MACO1: variants seen among roughly 807,000 people sequenced by gnomAD.
MACO1 encodes the protein macoilin 1, also known as macoilin.
Under a neutral mutation model 78.7 loss-of-function variants are expected in MACO1, and 14 were observed. The ratio of observed to expected loss-of-function variants is 0.18; its 90% CI spans 0.12 to 0.28. The LOEUF is 0.28. Ranked by LOEUF, MACO1 falls within the 10% of genes least tolerant of loss-of-function variation. The pLI is 1.00. For synonymous variants in MACO1, 288 were observed against 291.6 expected (o/e 0.99, Z 0.12); for missense variants, 501 against 799.0 (o/e 0.63, Z 4.50).
At chr1:25,451,092 G>A (rs975977170) in intron 3 of MACO1, among the ~76,000 whole-genome samples, 2 of 144,836 alleles carry the variant, frequency 1.4e-5, no homozygotes, top group South Asian at 2.1e-4. Context: ...TTAGCCCTAG[G>A]CTCAGAAATG....
At chr1:25,459,486 A>AG (rs2043152583) in intron 6 of MACO1, among the ~76,000 whole-genome samples, 2 of 77,246 alleles carry the variant, frequency 2.6e-5, no homozygotes, top group Admixed American at 1.3e-4. Context: ...TAATTAAAAG[A>AG]ATTTTTTTTT....
rs34955081 is a variant in MACO1 at position 25,488,420 on chromosome 1, A to G, written c.1497-753A>G. ...CTGAGCAGACTGAGCCAAAAGCTAA[A>G]ACCTGACAGACCCTGGAGTATAAAA... On this transcript the variant is annotated intron_variant, in intron 8 of 10. Transcript: ENST00000374343. Among the ~76,000 whole-genome samples, 1,075 of 152,330 alleles carry G rather than the reference A, an allele frequency of 7.1e-3. 6 individuals carry two copies. Among genetic ancestry groups the G allele is most frequent in the Non-Finnish European group, 0.011 (757 of 68,022 alleles).
At chr1:25,451,661 C>G (rs1192744514) in intron 3 of MACO1, among the ~76,000 whole-genome samples, 1 of 152,136 alleles carries the variant, frequency 6.6e-6, no homozygotes, top group East Asian at 1.9e-4. Flanking sequence ...AATCCCAGCA[C>G]TTTGGGAGGC....
chr1:25,459,035 C>A, intron 6 of MACO1, 143 bp downstream of exon 6: 1 of 1,049,954 alleles, frequency 9.5e-7, no homozygotes, highest in Non-Finnish European at 1.4e-6. Flanking sequence ...AGTTTGTTGG[C>A]CACCTTGTGT....
At chr1:25,464,976 T>A (rs2043205670) in intron 6 of MACO1, among the ~76,000 whole-genome samples, 1 of 34,598 alleles carries the variant, frequency 2.9e-5, no homozygotes, top group African/African-American at 1.4e-4. Flanking sequence ...GCCCAGGCAA[T>A]TTTTTTTTTT....
intron 3 of MACO1, among the ~76,000 whole-genome samples, chr1:25,453,728 A>G (rs959405079): frequency 2.0e-5 from 3 of 152,022 alleles, no homozygotes; most frequent in Admixed American, 1.3e-4. Flanking sequence ...TTTAAATTTA[A>G]ATATACTGCC....
chr1:25,483,894 G>A (rs2043403141), intron 6 of MACO1, among the ~76,000 whole-genome samples: 1 of 152,246 alleles, frequency 6.6e-6, no homozygotes, highest in East Asian at 1.9e-4. Context: ...CATAAACAGG[G>A]GGAAGTTGAA....
chr1:25,475,480 G>A (rs1321461770), intron 6 of MACO1, among the ~76,000 whole-genome samples: 1 of 151,822 alleles, frequency 6.6e-6, no homozygotes, highest in Non-Finnish European at 1.5e-5. Context: ...GAGAGGCCGA[G>A]GTGGGAGGAT....
chr1:25,459,878 C>T lies in MACO1; in HGVS notation c.1154+986C>T, dbSNP rs556610936. Reference sequence around the variant, plus strand: ...GCAAACACAAATATGTTCCTTTCACCTCAGATCTTTAATTTGGAAACTGAG... The same window carrying T: ...GCAAACACAAATATGTTCCTTTCACTTCAGATCTTTAATTTGGAAACTGAG... On this transcript the variant is annotated intron_variant, in intron 6 of 10. Coordinates refer to ENST00000374343, the MANE Select transcript of MACO1 (RefSeq NM_018202.6). Among the ~76,000 whole-genome samples the T allele has an allele frequency of 7.2e-5, 11 of 152,128 alleles. No homozygotes were observed. The South Asian group carries it at 2.3e-3, about 32-fold the overall frequency.
chr1:25,447,687 AGT>A (rs1236366360), intron 2 of MACO1, among the ~76,000 whole-genome samples: 2 of 152,164 alleles, frequency 1.3e-5, no homozygotes, highest in African/African-American at 4.8e-5. Context: ...TGCATGAGTG[AGT>A]GTAAAAAAGG....
Position 25,493,352 on chromosome 1 carries a change from C to T in MACO1, c.1792+1768C>T, listed in dbSNP as rs548152761. ...CTTCTGGGTTCAAGTGATCCTCCCA[C>T]CTCAGCCTCTCCCTAGTAGCTATGA... On this transcript the variant is annotated intron_variant, in intron 10 of 10. Transcript: ENST00000374343. Among the ~76,000 whole-genome samples, 207 of 152,150 alleles carry T rather than the reference C, an allele frequency of 1.4e-3. 1 individual carries two copies. The Middle Eastern group carries it at 0.017, about 13-fold the overall frequency.
At chr1:25,459,553 C>T (rs1455149705) in intron 6 of MACO1, among the ~76,000 whole-genome samples, 1 of 150,868 alleles carries the variant, frequency 6.6e-6, no homozygotes. Flanking sequence ...CGGCTCACTG[C>T]AACCTCCGCC....
intron 3 of MACO1, among the ~76,000 whole-genome samples, chr1:25,449,787 G>A (rs1410865648): frequency 1.3e-5 from 2 of 152,230 alleles, no homozygotes; most frequent in African/African-American, 4.8e-5. Flanking sequence ...GGGAGGCTGA[G>A]GCAGGCAGAT....
intron 1 of MACO1, among the ~76,000 whole-genome samples, chr1:25,445,588 ATTTTAC>A (rs1025269008): frequency 6.1e-5 from 9 of 146,640 alleles, no homozygotes; most frequent in Non-Finnish European, 1.1e-4. Flanking sequence ...TCTTTTTATT[ATTTTAC>A]TTTAAGTTCT....
rs74410456 is a variant in MACO1 at position 25,437,907 on chromosome 1, C to T, written c.80+6729C>T. Among the ~76,000 whole-genome samples the T allele has an allele frequency of 9.9e-5, 15 of 152,020 alleles. No homozygotes were observed. In the South Asian group the frequency reaches 3.1e-3, roughly 32 times the overall value. On this transcript the variant is annotated intron_variant, in intron 1 of 10. Coordinates refer to ENST00000374343, the MANE Select transcript of MACO1 (RefSeq NM_018202.6). ...CTACACTCCAGCCTGGGCAATAGAGCAAGACCCTGTGTCAAAAAAAGAGAA... is the reference window on the plus strand; with the variant it reads ...CTACACTCCAGCCTGGGCAATAGAGTAAGACCCTGTGTCAAAAAAAGAGAA...
chr1:25,454,065 C>G (rs187586640), intron 3 of MACO1, among the ~76,000 whole-genome samples, 194 bp from the exon 4 acceptor site: 27 of 152,198 alleles, frequency 1.8e-4, no homozygotes, highest in African/African-American at 6.3e-4. Flanking sequence ...GGATGTTTGT[C>G]TTTTATTTTT....
At chr1:25,487,176 C>T (rs140531067) in intron 8 of MACO1, among the ~76,000 whole-genome samples, 2,326 of 152,086 alleles carry the variant, frequency 0.015, 58 homozygotes, top group African/African-American at 0.053. Flanking sequence ...CTTTTTGAGA[C>T]GGAGTCTAAC....
Position 25,462,320 on chromosome 1 carries a change from C to T in MACO1, c.1154+3428C>T, listed in dbSNP as rs72887459. On this transcript the variant is annotated intron_variant, in intron 6 of 10. Coordinates refer to ENST00000374343, the MANE Select transcript of MACO1 (RefSeq NM_018202.6). ...TTTTTAATTTTAGATTTAGGAGGTA[C>T]ACGTGCATTCATATGCAGGTTTGTT... Among the ~76,000 whole-genome samples, 767 of 151,980 alleles carry T rather than the reference C, an allele frequency of 5.0e-3. 5 individuals are homozygous for T. The highest frequency in any genetic ancestry group is 0.018 in the African/African-American group (728 of 41,430).
intron 8 of MACO1, among the ~76,000 whole-genome samples, chr1:25,486,410 T>G (rs371314657): frequency 6.6e-6 from 1 of 152,208 alleles, no homozygotes; most frequent in African/African-American, 2.4e-5. Flanking sequence ...CCAAAAACTA[T>G]TAGATAGTTA....
Sources: allele counts gnomAD v4.1 joint callset (sites outside exome capture counted in the v4.1 genomes callset), GRCh38; gene constraint gnomAD v4.1.1; transcripts MANE v1.5; gene names NCBI Gene and HGNC (gene_info 2026-07-23, HGNC 2026-07-21).